The following RAB3C variants were observed in gnomAD, a reference collection of about 807,000 sequenced individuals.
The protein encoded by RAB3C is ras-related protein Rab-3C.
In RAB3C, 17 loss-of-function variants were observed where a neutral mutation model predicts 26.4. The ratio of observed to expected loss-of-function variants is 0.64; its 90% CI spans 0.44 to 0.97. The LOEUF (loss-of-function observed/expected upper bound fraction) is 0.97. Among genes scored for constraint, RAB3C ranks in the 50% least tolerant of loss-of-function variants. The pLI is 0.00. For synonymous variants in RAB3C, 91 were observed against 95.9 expected, an observed-to-expected ratio of 0.95 and a Z score of 0.30; for missense variants, 242 against 281.9, an observed-to-expected ratio of 0.86 and a Z score of 1.01.
intron 3 of RAB3C, among the ~76,000 whole-genome samples, chr5:58,805,186 G>A (rs889191478): frequency 6.6e-6 from 1 of 151,938 alleles, no homozygotes; most frequent in African/African-American, 2.4e-5. Context: ...CTATTTTGAA[G>A]AATCTAACTC....
chr5:58,809,363 G>T, intron 3 of RAB3C, among the ~76,000 whole-genome samples: 4 of 140,620 alleles, frequency 2.8e-5, no homozygotes, highest in African/African-American at 2.7e-5. Flanking sequence ...AGGATTTCTG[G>T]TTTTGAAAGC....
chr5:58,583,434 G>C lies in RAB3C; in HGVS notation c.24+202G>C, dbSNP rs993136025. On this transcript the variant is annotated intron_variant, in intron 1 of 4. Transcript: ENST00000282878. ...ATTGGGGCTGTCTTGATGAGGGATC[G>C]GGCTATTCGCAATCTTTCTAGGCTC... The C allele has an allele frequency of 6.9e-6, 5 of 725,444 alleles. No individual in the cohort carries two copies. In the African/African-American group the frequency reaches 9.6e-5, roughly 14 times the overall value. The allele number at this position is 725,444 out of a possible 1,614,324, so 44.9% of individuals were successfully genotyped here. A position where few individuals can be genotyped will look rare whatever the true frequency, so the allele number is the denominator to read the frequency against.
intron 1 of RAB3C, among the ~76,000 whole-genome samples, chr5:58,590,567 G>C (rs1472503799): frequency 6.6e-6 from 1 of 150,990 alleles, no homozygotes; most frequent in Non-Finnish European, 1.5e-5. Context: ...TTTGAAGGCA[G>C]AGTCTCACTC....
intron 1 of RAB3C, among the ~76,000 whole-genome samples, chr5:58,607,228 G>T (rs1746592689): frequency 6.6e-6 from 1 of 152,152 alleles, no homozygotes; most frequent in Non-Finnish European, 1.5e-5. Context: ...GTGACTTGAT[G>T]GAGTTGAAAA....
At chr5:58,587,384 A>G (rs10074634) in intron 1 of RAB3C, among the ~76,000 whole-genome samples, 2,452 of 152,252 alleles carry the variant, frequency 0.016, 68 homozygotes, top group African/African-American at 0.055. Context: ...GTTCTTTTAT[A>G]TAGATTAAAG....
intron 3 of RAB3C, 125 bp downstream of exon 3, chr5:58,726,245 T>G (rs1740886575): frequency 2.0e-6 from 1 of 507,096 alleles, no homozygotes; most frequent in Non-Finnish European, 3.6e-6. Flanking sequence ...ACAATCCCGC[T>G]TGTGCTTCAT....
intron 1 of RAB3C, among the ~76,000 whole-genome samples, chr5:58,602,272 T>C (rs557675489): frequency 6.6e-6 from 1 of 152,324 alleles, no homozygotes; most frequent in South Asian, 2.1e-4. Flanking sequence ...ACCTATCATA[T>C]GGTCTATCTT....
intron 1 of RAB3C, among the ~76,000 whole-genome samples, chr5:58,599,369 T>C (rs572294631): frequency 4.6e-5 from 7 of 152,300 alleles, no homozygotes; most frequent in African/African-American, 1.4e-4. Flanking sequence ...GGGCCTGAGC[T>C]TCAGGACTAC....
intron 2 of RAB3C, among the ~76,000 whole-genome samples, chr5:58,706,536 G>A (rs531317764): frequency 6.6e-6 from 1 of 152,250 alleles, no homozygotes; most frequent in African/African-American, 2.4e-5. Flanking sequence ...TTAAAATAAA[G>A]TATCTCTAAC....
rs1743589713 is a variant in RAB3C at position 58,830,479 on chromosome 5, C to A, written c.496+5317C>A. Among the ~76,000 whole-genome samples, 3 of 152,140 alleles carry A rather than the reference C, an allele frequency of 2.0e-5. No homozygotes were observed. In the South Asian group the frequency reaches 6.2e-4, roughly 32 times the overall value. ...TATGTTGTGGTACCACTCTCAGAGA[C>A]AAGATGACTGAAGTGACTGAAACAT... is the stretch of plus-strand genomic sequence containing the variant. On this transcript the variant is annotated intron_variant, in intron 4 of 4. Coordinates refer to ENST00000282878, the MANE Select transcript of RAB3C (RefSeq NM_138453.4).
At chr5:58,607,773 A>G (rs562489964) in intron 1 of RAB3C, among the ~76,000 whole-genome samples, 1 of 152,346 alleles carries the variant, frequency 6.6e-6, no homozygotes, top group South Asian at 2.1e-4. Flanking sequence ...ATTCTTAAAG[A>G]AAAGAATTTT....
intron 4 of RAB3C, among the ~76,000 whole-genome samples, chr5:58,833,898 CT>C (rs1743675642): frequency 6.6e-6 from 1 of 152,164 alleles, no homozygotes. Context: ...AATTTGGAGG[CT>C]CTTTAGGAAG....
At chr5:58,665,754 T>C (rs1162281485) in intron 2 of RAB3C, among the ~76,000 whole-genome samples, 2 of 152,214 alleles carry the variant, frequency 1.3e-5, no homozygotes, top group Non-Finnish European at 2.9e-5. Context: ...CGTGGTAGCA[T>C]CATAGTGCCT....
chr5:58,791,038 T>C (rs983725890), intron 3 of RAB3C, among the ~76,000 whole-genome samples: 6 of 148,624 alleles, frequency 4.0e-5, no homozygotes, highest in African/African-American at 1.5e-4. Flanking sequence ...TTATGAGTAA[T>C]AAGTCTGGCT....
intron 3 of RAB3C, among the ~76,000 whole-genome samples, chr5:58,763,315 G>A (rs1741834666): frequency 6.6e-6 from 1 of 152,082 alleles, no homozygotes; most frequent in Non-Finnish European, 1.5e-5. Context: ...AGTAATCATG[G>A]GCAGGTCAGA....
chr5:58,663,757 A>C (rs933383220), intron 2 of RAB3C, among the ~76,000 whole-genome samples: 4 of 152,188 alleles, frequency 2.6e-5, no homozygotes, highest in Non-Finnish European at 4.4e-5. Flanking sequence ...AGAAAACAAA[A>C]ATTAAAAAAT....
intron 4 of RAB3C, among the ~76,000 whole-genome samples, chr5:58,832,071 C>T (rs978215165): frequency 6.6e-6 from 1 of 152,156 alleles, no homozygotes; most frequent in African/African-American, 2.4e-5. Context: ...CAGAAGGAAG[C>T]TGTAATTGGT....
chr5:58,811,996 C>G (rs188425), intron 3 of RAB3C, among the ~76,000 whole-genome samples: 66,285 of 151,980 alleles, frequency 0.44, 16,314 homozygotes, highest in Middle Eastern at 0.66. Context: ...TATTTAAAGA[C>G]TCATGATTTT....
chr5:58,682,386 A>G (rs1748363976), intron 2 of RAB3C, among the ~76,000 whole-genome samples: 1 of 152,154 alleles, frequency 6.6e-6, no homozygotes. Flanking sequence ...AGGCATTATT[A>G]CTTAAAGACA....
Sources: gnomAD v4.1 joint callset for allele counts (sites outside exome capture counted in the v4.1 genomes callset) on GRCh38, gnomAD v4.1.1 for gene constraint, MANE v1.5 for transcripts, NCBI Gene and HGNC (gene_info 2026-07-23, HGNC 2026-07-21) for gene names.